Variants in PLBD2 observed in about 807,000 individuals in gnomAD.
PLBD2 encodes phospholipase B domain containing 2.
In PLBD2, 51 loss-of-function variants were observed where a neutral mutation model predicts 68.3. The observed-to-expected ratio is 0.75, with a 90% CI of 0.60 to 0.94. The LOEUF is 0.94. Ranked by LOEUF, PLBD2 falls within the 40% of genes least tolerant of loss-of-function variation. The probability of loss-of-function intolerance (pLI) is 0.00; values close to 1 mark genes in which losing one functional copy is unlikely to be tolerated. For missense variants in PLBD2, 729 were observed against 792.2 expected, an observed-to-expected ratio of 0.92 and a Z score of 0.96; for synonymous variants, 314 against 339.3, an observed-to-expected ratio of 0.93 and a Z score of 0.82.
In PLBD2 at chr12:113,391,315, G is replaced by A. The variant is rs921384929; in HGVS notation, c.*2689G>A. 1.3e-5 allele frequency: 2 copies of A among 152,172 alleles called. No individual in the cohort carries two copies. Among genetic ancestry groups the A allele is most frequent in the Non-Finnish European group, 2.9e-5 (2 of 68,056 alleles). 9.4% of individuals were successfully genotyped at this position (152,172 alleles called of 1,614,324 possible). ...TAGCTAGCTATGGACTCCTCTCTGA[G>A]CCTCGATTACCTCATCTGTGAAATG... On this transcript the variant is annotated 3_prime_UTR_variant, in exon 12 of 12. Transcript: ENST00000280800.
Position 113,386,967 on chromosome 12 carries a change from G to T in PLBD2, c.1317G>T (p.Gly439=), listed in dbSNP as rs1462757246. 5 of 1,613,050 alleles carry T rather than the reference G, an allele frequency of 3.1e-6. No individual in the cohort carries two copies. Among genetic ancestry groups the T allele is most frequent in the Non-Finnish European group, 4.2e-6 (5 of 1,179,616 alleles). Residue 439 remains glycine (G), a synonymous_variant, in exon 10 of 12, where the codon GGG becomes GGT. Coordinates refer to ENST00000280800, the MANE Select transcript of PLBD2 (RefSeq NM_173542.4). ...PSFETVFNAS[G]LQALVAQYGD... is the part of the protein sequence containing the mutation. ...TCGAGACTGTGTTCAATGCCAGTGG[G>T]CTGCAGGCCCTAGTGGCCCAGTATG...
At chr12:113,376,873 C>T (rs995880317) in intron 5 of PLBD2, 1 of 152,320 alleles carries the variant, frequency 6.6e-6, no homozygotes, top group African/African-American at 2.4e-5. Context: ...AGTGCCACAT[C>T]CTTCATCCCA....
rs758942110 is a variant in PLBD2 at position 113,388,487 on chromosome 12, T to C, written c.1631T>C (p.Leu544Pro). The change falls in exon 12 of 12, where the codon CTG becomes CCG. Residue 544 changes from leucine (L) to proline (P), a missense_variant. Physicochemically the swap from Leu to Pro is moderately conservative, Grantham distance 98. Transcript: ENST00000280800. ...KVTSMSLARI[L>P]SLLAASGPTW... is the part of the protein sequence containing the mutation. The stretch of plus-strand genomic sequence containing the variant: ...ACCAGCATGTCACTGGCCAGGATCC[T>C]GAGCCTGCTGGCGGCCAGCGGTCCC... 3.7e-5 allele frequency: 59 copies of C among 1,602,458 alleles called. No homozygotes were observed. The highest frequency in any genetic ancestry group is 4.9e-5 in the Non-Finnish European group (58 of 1,177,306).
In PLBD2 at chr12:113,384,957, TGGGA is replaced by T; in HGVS notation, c.1214+19_1214+22del. The T allele has an allele frequency of 1.5e-5, 9 of 616,212 alleles. No individual in the cohort carries two copies. The highest frequency in any genetic ancestry group is 4.1e-5 in the African/African-American group (2 of 48,794). The allele number at this position is 616,212 out of a possible 1,614,324, so 38.2% of individuals were successfully genotyped here. A position where few individuals can be genotyped will look rare whatever the true frequency, so the allele number is the denominator to read the frequency against. ...CCTGGAGCAGATCCCGTGCGTACCC[TGGGA>T]GGGAGGGGTGGGGGCTCGGGGCAGA... On this transcript the variant is annotated intron_variant, in intron 8 of 11. Coordinates refer to ENST00000280800, the MANE Select transcript of PLBD2 (RefSeq NM_173542.4). This position sits in a 1 kb window ranked among gnomAD's most constrained non-coding sequence, Gnocchi z 4.2.
chr12:113,382,835 T>TTTTTTTTTTGTGTGTGTGTGTG (rs1335785271), intron 6 of PLBD2, among the ~76,000 whole-genome samples: 1 of 106,610 alleles, frequency 9.4e-6, no homozygotes, highest in African/African-American at 3.8e-5. Context: ...TGGTGGTTTT[T>TTTTTTTTTTGTGTGTGTGTGTG]TGTGTGTGTG....
At position 113,372,869 on chromosome 12, in the gene PLBD2, T is replaced by A; in HGVS notation, c.543+62T>A. The A allele has an allele frequency of 6.4e-7, 1 of 1,572,438 alleles. No homozygotes were observed. Among genetic ancestry groups the A allele is most frequent in the Non-Finnish European group, 8.6e-7 (1 of 1,159,270 alleles). ...CCAGCTGGCCAGCCATCCTGTCTCCTGTTGTTCTGGCCAGCCTTGTGGCAT... is the reference window on the plus strand; with the variant it reads ...CCAGCTGGCCAGCCATCCTGTCTCCAGTTGTTCTGGCCAGCCTTGTGGCAT... On this transcript the variant is annotated intron_variant, in intron 3 of 11. Coordinates refer to ENST00000280800, the MANE Select transcript of PLBD2 (RefSeq NM_173542.4). This position sits in a 1 kb window ranked among gnomAD's most constrained non-coding sequence, Gnocchi z 4.2.
intron 6 of PLBD2, among the ~76,000 whole-genome samples, chr12:113,383,242 C>T (rs1356768279): frequency 2.0e-5 from 3 of 152,008 alleles, no homozygotes; most frequent in Admixed American, 6.6e-5. Context: ...AGCCTCAGGC[C>T]GTGCAACTTT....
rs1340931988 is a variant in PLBD2, at chr12:113,389,028, G to A, written c.*402G>A. On this transcript the variant is annotated 3_prime_UTR_variant, in exon 12 of 12. Transcript: ENST00000280800. The stretch of plus-strand genomic sequence containing the variant: ...AGCCTGTTCCAGCACCCTTCTCCCA[G>A]CTGCATTCCCACGGGTGGCCCTGGA... 1 of 159,038 alleles carries A rather than the reference G, an allele frequency of 6.3e-6. No individual in the cohort carries two copies. The highest frequency in any genetic ancestry group is 1.4e-5 in the Non-Finnish European group (1 of 72,920). The allele number at this position is 159,038 out of a possible 1,614,324, so 9.9% of individuals were successfully genotyped here.
At chr12:113,370,852 C>T (rs1038872417) in intron 2 of PLBD2, among the ~76,000 whole-genome samples, 7 of 152,114 alleles carry the variant, frequency 4.6e-5, no homozygotes, top group Admixed American at 2.0e-4. Flanking sequence ...CAGTAAACAC[C>T]GACATTTTCC....
intron 3 of PLBD2, 71 bp from the exon 4 acceptor site, chr12:113,374,403 C>T (rs1159954265): frequency 9.4e-7 from 1 of 1,058,286 alleles, no homozygotes. Context: ...CAGAGCCCGT[C>T]CCGTTGAAGG....
In PLBD2 at chr12:113,391,299, A is replaced by G. The variant is rs1957608835; in HGVS notation, c.*2673A>G. 1 of 152,184 alleles carries G rather than the reference A, an allele frequency of 6.6e-6. No individual in the cohort carries two copies. The highest frequency in any genetic ancestry group is 1.5e-5 in the Non-Finnish European group (1 of 68,042). The allele number at this position is 152,184 out of a possible 1,614,324, so 9.4% of individuals were successfully genotyped here. A position where few individuals can be genotyped will look rare whatever the true frequency, so the allele number is the denominator to read the frequency against. On this transcript the variant is annotated 3_prime_UTR_variant, in exon 12 of 12. Coordinates refer to ENST00000280800, the MANE Select transcript of PLBD2 (RefSeq NM_173542.4). Reference sequence around the variant, plus strand: ...TGTCTCCACCTCTTATTAGCTAGCTATGGACTCCTCTCTGAGCCTCGATTA... The same window carrying G: ...TGTCTCCACCTCTTATTAGCTAGCTGTGGACTCCTCTCTGAGCCTCGATTA...
chr12:113,382,830 G>GTTTT (rs1179441269), intron 6 of PLBD2, among the ~76,000 whole-genome samples: 321 of 125,012 alleles, frequency 2.6e-3, no homozygotes, highest in Non-Finnish European at 3.7e-3. Context: ...GGTGGTGGTG[G>GTTTT]TTTTTTGTGT....
At chr12:113,376,595 G>T (rs1299183471) in intron 5 of PLBD2, among the ~76,000 whole-genome samples, 3 of 152,202 alleles carry the variant, frequency 2.0e-5, no homozygotes, top group Non-Finnish European at 4.4e-5. Flanking sequence ...GGCATGGGAA[G>T]AATTAGAGCT....
Position 113,365,046 on chromosome 12 carries a change from C to T in PLBD2, c.291-4070C>T, listed in dbSNP as rs561527853. Among the ~76,000 whole-genome samples, 10 of 152,276 alleles carry T rather than the reference C, an allele frequency of 6.6e-5. No individual in the cohort carries two copies. The East Asian group carries it at 1.5e-3, about 24-fold the overall frequency. ...TTTTTCCCCTTGTTTTTTCCTCTGT[C>T]CTTATCTGTGATGCTATGTGAATAA... On this transcript the variant is annotated intron_variant, in intron 1 of 11. Coordinates refer to ENST00000280800, the MANE Select transcript of PLBD2 (RefSeq NM_173542.4).
intron 6 of PLBD2, among the ~76,000 whole-genome samples, chr12:113,383,298 C>T (rs1375603262): frequency 6.6e-6 from 1 of 152,114 alleles, no homozygotes; most frequent in African/African-American, 2.4e-5. Context: ...GGTTGCCCAG[C>T]TTGGTGAGGG....
intron 11 of PLBD2, among the ~76,000 whole-genome samples, chr12:113,388,198 T>C (rs78351713): frequency 0.047 from 7,125 of 152,042 alleles, 207 homozygotes; most frequent in Middle Eastern, 0.095. Context: ...AAAAATTAGC[T>C]AGGCGTGGTG....
chr12:113,388,427 C>T (rs895997957), intron 11 of PLBD2, 32 bp from the exon 12 acceptor site: 1 of 1,515,322 alleles, frequency 6.6e-7, no homozygotes, highest in Non-Finnish European at 8.8e-7. Flanking sequence ...GGCCAGGACC[C>T]CTGCTCAGCT....
In PLBD2 at chr12:113,384,330, A is replaced by G; in HGVS notation, c.1118+65A>G. ...GAGATAGACCAACCTCCCCTTTAAC[A>G]CTCACACTCCTGGGGACCAGATGTG... On this transcript the variant is annotated intron_variant, in intron 7 of 11. Coordinates refer to ENST00000280800, the MANE Select transcript of PLBD2 (RefSeq NM_173542.4). This position sits in a 1 kb window ranked among gnomAD's most constrained non-coding sequence, Gnocchi z 4.2. The G allele has an allele frequency of 6.5e-7, 1 of 1,530,730 alleles. No homozygotes were observed. Among genetic ancestry groups the G allele is most frequent in the Non-Finnish European group, 8.8e-7 (1 of 1,133,194 alleles). The allele number at this position is 1,530,730 out of a possible 1,614,324, so 94.8% of individuals were successfully genotyped here. A position where few individuals can be genotyped will look rare whatever the true frequency, so the allele number is the denominator to read the frequency against.
intron 1 of PLBD2, 42 bp downstream of exon 1, chr12:113,358,932 G>A (rs1957261920): frequency 1.4e-6 from 2 of 1,474,230 alleles, no homozygotes; most frequent in African/African-American, 1.5e-5. Context: ...TCGGGGGAGG[G>A]GGATGCGTGG....
Sources: gnomAD v4.1 joint callset for allele counts (sites outside exome capture counted in the v4.1 genomes callset) on GRCh38, gnomAD v4.1.1 for gene constraint, Gnocchi (gnomAD v3.1) non-coding constraint, MANE v1.5 for transcripts, NCBI Gene and HGNC (gene_info 2026-07-23, HGNC 2026-07-21) for gene names.